The following MAPKBP1 variants were observed in gnomAD, a reference collection of about 807,000 sequenced individuals.
MAPKBP1 encodes the protein mitogen-activated protein kinase binding protein 1, also known as mitogen-activated protein kinase-binding protein 1.
MAPKBP1 carries 71 observed loss-of-function variants against 170.5 expected under a neutral mutation model. That is an observed-to-expected ratio of 0.42 (90% confidence interval 0.34 to 0.51). MAPKBP1 has a LOEUF of 0.51. Among genes scored for constraint, MAPKBP1 ranks in the 20% least tolerant of loss-of-function variants. MAPKBP1 has a pLI of 0.06. For synonymous variants in MAPKBP1, 719 were observed against 757.9 expected, an observed-to-expected ratio of 0.95 and a Z score of 0.84; for missense variants, 1,598 against 1,933.0, an observed-to-expected ratio of 0.83 and a Z score of 3.25.
At chr15:41,824,613 AGTG>A (rs2065059468) in intron 30 of MAPKBP1, 44 bp downstream of exon 30, 2 of 1,520,592 alleles carry the variant, frequency 1.3e-6, no homozygotes, top group East Asian at 2.4e-5. Flanking sequence ...GCACGTCAGT[AGTG>A]CTGGGTGTTT....
rs1437996240 is a variant in MAPKBP1 at position 41,827,342 on chromosome 15, G to A, written c.*1906G>A. ...AGGGTTACAAAAGGTTCCCAGCTCC[G>A]GGGCATCAGCCTGAGTGCGCTTGAG... is the stretch of plus-strand genomic sequence containing the variant. On this transcript the variant is annotated 3_prime_UTR_variant, in exon 31 of 31. Transcript: ENST00000457542. 6.6e-6 allele frequency: 1 copy of A among 151,176 alleles called. No individual in the cohort carries two copies. Among genetic ancestry groups the A allele is most frequent in the East Asian group, 1.9e-4 (1 of 5,178 alleles). The allele number at this position is 151,176 out of a possible 1,614,324, so 9.4% of individuals were successfully genotyped here.
chr15:41,823,884 A>G lies in MAPKBP1; in HGVS notation c.4036A>G (p.Thr1346Ala). ...ATGGGCCTGTTTGGGGGAGGGCACC[A>G]CTCCCAAGCCTAGGACAGAGTGCCA... Reference protein sequence around the residue: ...ERWACLGEGTTPKPRTECQAH... With the variant: ...ERWACLGEGTAPKPRTECQAH... Residue 1346 changes from threonine to alanine, a missense_variant, in exon 29 of 31, where the codon ACT becomes GCT. Coordinates refer to ENST00000457542, the MANE Select transcript of MAPKBP1 (RefSeq NM_014994.3). 6.2e-7 allele frequency: 1 copy of G among 1,613,728 alleles called. No individual in the cohort carries two copies. The highest frequency in any genetic ancestry group is 8.5e-7 in the Non-Finnish European group (1 of 1,179,924).
At chr15:41,813,222 A>G in intron 8 of MAPKBP1, 121 bp downstream of exon 8, 1 of 1,514,454 alleles carries the variant, frequency 6.6e-7, no homozygotes, top group Non-Finnish European at 9.1e-7. Flanking sequence ...CAGGAGAACG[A>G]AGCTTGGGGG....
rs761098056 is a variant in MAPKBP1, at chr15:41,821,625, C to G, written c.2760C>G (p.Ser920=). 86 of 1,613,966 alleles carry G rather than the reference C, an allele frequency of 5.3e-5. No individual in the cohort carries two copies. The highest frequency in any genetic ancestry group is 6.5e-5 in the Non-Finnish European group (77 of 1,180,000). The change falls in exon 24 of 31, where the codon TCC becomes TCG. Residue 920 remains serine, a synonymous_variant. Coordinates refer to ENST00000457542, the MANE Select transcript of MAPKBP1 (RefSeq NM_014994.3). Reference sequence around the variant, plus strand: ...GGCCTCAGGCTTCCCAACCTTGTTCCTATCCCCATATTATCCGATTATTGT... The same window carrying G: ...GGCCTCAGGCTTCCCAACCTTGTTCGTATCCCCATATTATCCGATTATTGT... ...PPRPQASQPC[S]YPHIIRLLSQ...
In MAPKBP1 at chr15:41,822,970, C is replaced by G. The variant is rs747655933; in HGVS notation, c.3346C>G (p.Leu1116Val). 6.2e-7 allele frequency: 1 copy of G among 1,613,470 alleles called. No homozygotes were observed. The highest frequency in any genetic ancestry group is 1.3e-5 in the African/African-American group (1 of 75,046). The stretch of plus-strand genomic sequence containing the variant: ...ATCCCCATCCTCCTCAAGCCTGGCA[C>G]TGATGTCGAGACCAGCCCAGGTGCC... ...EPSPSSSSLA[L>V]MSRPAQVPQA... Residue 1116 changes from leucine (L) to valine (V), a missense_variant, in exon 28 of 31, where the codon CTG becomes GTG. Leu to Val is a conservative substitution (Grantham distance 32, BLOSUM62 1). This residue lies in a region of MAPKBP1 where 942 missense variants were observed against 953.2 expected (regional missense o/e 0.99). Coordinates refer to ENST00000457542, the MANE Select transcript of MAPKBP1 (RefSeq NM_014994.3).
At chr15:41,795,874 G>A (rs1159005357) in intron 2 of MAPKBP1, among the ~76,000 whole-genome samples, 1 of 152,174 alleles carries the variant, frequency 6.6e-6, no homozygotes, top group African/African-American at 2.4e-5. Context: ...CTCCCAAAGT[G>A]CTGGGATTAC....
At chr15:41,813,128 G>T in intron 8 of MAPKBP1, 27 bp downstream of exon 8, 1 of 1,581,542 alleles carries the variant, frequency 6.3e-7, no homozygotes, top group Middle Eastern at 1.7e-4. Context: ...CCAGGGGTAG[G>T]GTCTGCTCAT....
chr15:41,822,207 TC>T lies in MAPKBP1; in HGVS notation c.3032-14del, dbSNP rs1387471660. The T allele has an allele frequency of 1.9e-6, 3 of 1,607,798 alleles. No homozygotes were observed. The highest frequency in any genetic ancestry group is 1.7e-5 in the Admixed American group (1 of 59,722). ...AGATGGGTGCAGTGCGATGCCTCTC[TC>T]CCCTCCCCACACCCAGACTCTGAGA... On this transcript the variant is annotated splice_polypyrimidine_tract_variant and intron_variant, in intron 25 of 30. Transcript: ENST00000457542.
At position 41,818,339 on chromosome 15, in the gene MAPKBP1, A is replaced by T; in HGVS notation, c.2092+34A>T. On this transcript the variant is annotated intron_variant, in intron 18 of 30. Coordinates refer to ENST00000457542, the MANE Select transcript of MAPKBP1 (RefSeq NM_014994.3). The surrounding 1 kb of genome is among the most constrained non-coding windows in gnomAD (Gnocchi z 5.2). Reference sequence around the variant, plus strand: ...AGCCTGAATCCCCGAGTAGAAGCTGATACCTGCGTAAACCTGAGTGAGTTC... The same window carrying T: ...AGCCTGAATCCCCGAGTAGAAGCTGTTACCTGCGTAAACCTGAGTGAGTTC... 6.4e-7 allele frequency: 1 copy of T among 1,564,762 alleles called. No individual in the cohort carries two copies. Among genetic ancestry groups the T allele is most frequent in the Non-Finnish European group, 8.8e-7 (1 of 1,135,452 alleles).
At chr15:41,781,818 T>C (rs2605569) in intron 2 of MAPKBP1, among the ~76,000 whole-genome samples, 124,762 of 152,090 alleles carry the variant, frequency 0.82, 51,304 homozygotes, top group East Asian at 0.88. Flanking sequence ...AGGATTTGAG[T>C]GTTGCTCCTT....
chr15:41,785,219 C>T (rs923705026), intron 2 of MAPKBP1, among the ~76,000 whole-genome samples: 6 of 152,180 alleles, frequency 3.9e-5, no homozygotes, highest in South Asian at 4.1e-4. Context: ...TTTGTAGGCT[C>T]GCCTCTTCTG....
rs1207506054 is a variant in MAPKBP1 at position 41,803,848 on chromosome 15, GT to G, written c.206+3943del. Reference sequence around the variant, plus strand: ...GCACAGAGTAGGGGGAGACCACACTGTTTTTTTTTGAGACAGAGTTTCATTC... The same window carrying G: ...GCACAGAGTAGGGGGAGACCACACTGTTTTTTTTGAGACAGAGTTTCATTC... On this transcript the variant is annotated intron_variant, in intron 3 of 30. Coordinates refer to ENST00000457542, the MANE Select transcript of MAPKBP1 (RefSeq NM_014994.3). 3.3e-5 allele frequency among the ~76,000 whole-genome samples: 5 copies of G among 150,168 alleles called. No individual in the cohort carries two copies. In the South Asian group the frequency reaches 1.1e-3, roughly 33 times the overall value.
intron 7 of MAPKBP1, 91 bp from the exon 8 acceptor site, chr15:41,812,828 G>T: frequency 6.8e-7 from 1 of 1,480,132 alleles, no homozygotes; most frequent in Admixed American, 2.3e-5. Flanking sequence ...GCAAGGAGGT[G>T]CTGGAGGCGT....
Position 41,813,792 on chromosome 15 carries a change from TG to T in MAPKBP1, c.980+14del, listed in dbSNP as rs2064845172. On this transcript the variant is annotated intron_variant, in intron 9 of 30. Coordinates refer to ENST00000457542, the MANE Select transcript of MAPKBP1 (RefSeq NM_014994.3). ...CGTCACCGAGGCCAGGTGAGCTATG[TG>T]GGCCCCCCTTCCTCCATTTGTAGCC... 1.3e-6 allele frequency: 2 copies of T among 1,571,648 alleles called. No individual in the cohort carries two copies. The highest frequency in any genetic ancestry group is 1.2e-5 in the South Asian group (1 of 85,080).
chr15:41,803,948 C>A (rs11855017), intron 3 of MAPKBP1, among the ~76,000 whole-genome samples: 22,198 of 152,000 alleles, frequency 0.15, 1,737 homozygotes, highest in South Asian at 0.18. Context: ...TCAAGCAATT[C>A]TCCTGCCTCA....
chr15:41,787,849 C>G (rs888609517), intron 2 of MAPKBP1, among the ~76,000 whole-genome samples: 1 of 152,074 alleles, frequency 6.6e-6, no homozygotes, highest in African/African-American at 2.4e-5. Flanking sequence ...GCCACAACTT[C>G]TAGGGGTGGC....
chr15:41,813,229 G>A (rs2064834039), intron 8 of MAPKBP1, 128 bp downstream of exon 8: 1 of 1,511,374 alleles, frequency 6.6e-7, no homozygotes, highest in Admixed American at 1.8e-5. Context: ...ACGAAGCTTG[G>A]GGGAGCTAGA....
rs2064934199 is a variant in MAPKBP1 at position 41,818,718 on chromosome 15, G to A, written c.2157-105G>A. 1.3e-6 allele frequency: 2 copies of A among 1,542,572 alleles called. No homozygotes were observed. The highest frequency in any genetic ancestry group is 1.8e-5 in the Admixed American group (1 of 55,938). On this transcript the variant is annotated intron_variant, in intron 19 of 30. Transcript: ENST00000457542. The surrounding 1 kb of genome is among the most constrained non-coding windows in gnomAD (Gnocchi z 5.2). ...AGCTTTTGGCTGTGCTTGACCTGAA[G>A]TGGAGGGTGGCTCTGGTCTCCTTGC...
At chr15:41,792,908 G>A (rs1306577933) in intron 2 of MAPKBP1, among the ~76,000 whole-genome samples, 2 of 152,096 alleles carry the variant, frequency 1.3e-5, no homozygotes, top group African/African-American at 4.8e-5. Flanking sequence ...ATTTAGAGGG[G>A]TGGGTCATTG....
Sources: allele counts gnomAD v4.1 joint callset (sites outside exome capture counted in the v4.1 genomes callset), GRCh38; gene constraint gnomAD v4.1.1; regional missense constraint gnomAD v4.1.1; non-coding constraint Gnocchi (gnomAD v3.1); transcripts MANE v1.5; gene names NCBI Gene and HGNC (gene_info 2026-07-23, HGNC 2026-07-21).